Variants in ABCA10 observed in about 807,000 individuals in gnomAD.
ABCA10 encodes ATP-binding cassette sub-family A member 10.
Under a neutral mutation model 187.5 loss-of-function variants are expected in ABCA10, and 169 were observed. That is an observed-to-expected ratio of 0.90 (90% CI 0.80 to 1.02). The LOEUF (loss-of-function observed/expected upper bound fraction) is 1.02, where lower values mean the gene tolerates loss of function less well. ABCA10 is among the 50% of genes least tolerant of loss of function. The pLI is 0.00. For missense variants in ABCA10, 1,727 were observed against 1,812.4 expected (o/e 0.95, Z 0.86); for synonymous variants, 574 against 601.8 (o/e 0.95, Z 0.68).
At chr17:69,241,788 C>T (rs545635747) in intron 1 of ABCA10, among the ~76,000 whole-genome samples, 1 of 152,298 alleles carries the variant, frequency 6.6e-6, no homozygotes, top group South Asian at 2.1e-4. Flanking sequence ...TCAGTGAGGG[C>T]AGAGACTTTT....
Position 69,182,740 on chromosome 17 carries a change from T to C in ABCA10, c.2566A>G (p.Arg856Gly). 6.2e-7 allele frequency: 1 copy of C among 1,612,938 alleles called. No homozygotes were observed. Among genetic ancestry groups the C allele is most frequent in the Non-Finnish European group, 8.5e-7 (1 of 1,179,592 alleles). Residue 856 changes from arginine (R) to glycine (G), a missense_variant, in exon 21 of 39, where the codon AGA becomes GGA. Arg to Gly is a moderately radical substitution (Grantham distance 125, BLOSUM62 -2). Transcript: ENST00000690296. ...GGATCATCTGAGCCATTTCTGTTTC[T>C]AAAGTCATCTATTTCCAAAACTATA... is the stretch of plus-strand genomic sequence containing the variant. ...QDIVLEIDDF[R>G]NRNGSDDPSY...
upstream of ABCA10, chr17:69,232,871 A>ATACATCATGTTCCAC (rs1268903634): frequency 3.9e-5 from 6 of 152,198 alleles, no homozygotes; most frequent in Admixed American, 3.3e-4. Context: ...AGTACTCTGA[A>ATACATCATGTTCCAC]TACATCATGT....
chr17:69,152,157 T>G lies in ABCA10; in HGVS notation c.4283A>C (p.Lys1428Thr), dbSNP rs2059320318. The change falls in exon 36 of 39, where the codon AAA becomes ACA. Residue 1428 changes from lysine (K) to threonine (T), a missense_variant. Transcript: ENST00000690296. Reference sequence around the variant, plus strand: ...TAAATAATCTCTACCAAACTTGTTTTTCAGATGTTGAATGGAACCAATACA... The same window carrying G: ...TAAATAATCTCTACCAAACTTGTTTGTCAGATGTTGAATGGAACCAATACA... The part of the protein sequence containing the change: ...LRCIGSIQHL[K>T]NKFGRDYLLE... The G allele has an allele frequency of 6.2e-7, 1 of 1,612,744 alleles. No individual in the cohort carries two copies. Among genetic ancestry groups the G allele is most frequent in the Admixed American group, 1.7e-5 (1 of 59,686 alleles).
At chr17:69,181,667 T>C (rs1203671358) in intron 22 of ABCA10, among the ~76,000 whole-genome samples, 1 of 151,988 alleles carries the variant, frequency 6.6e-6, no homozygotes, top group Non-Finnish European at 1.5e-5. Context: ...TTTAAAAATT[T>C]AATTAGACTA....
At chr17:69,162,964 A>C (rs930354620) in intron 27 of ABCA10, among the ~76,000 whole-genome samples, 1 of 151,616 alleles carries the variant, frequency 6.6e-6, no homozygotes, top group Non-Finnish European at 1.5e-5. Flanking sequence ...CAGCCTCCCG[A>C]GTAGCTGGAA....
chr17:69,182,316 G>C (rs1172737374), intron 21 of ABCA10, 26 bp from the exon 22 acceptor site: 1 of 1,394,552 alleles, frequency 7.2e-7, no homozygotes, highest in East Asian at 2.7e-5. Flanking sequence ...ACAAATATAA[G>C]TTATAAATTC....
rs1436904147 is a variant in ABCA10, at chr17:69,193,935, A to T, written c.1400T>A (p.Ile467Asn). ...QLSEITDMEE[I>N]RKNIGFCPQF... The stretch of plus-strand genomic sequence containing the variant: ...TGGACAAAATCCAATATTCTTTCTA[A>T]TTTCTTCCATGTCAGTTATTTCAGA... Residue 467 changes from isoleucine to asparagine, a missense_variant, in exon 13 of 39, where the codon ATT (isoleucine) becomes AAT (asparagine). Physicochemically the swap from Ile to Asn is moderately radical, Grantham distance 149. Transcript: ENST00000690296. The T allele has an allele frequency of 6.2e-7, 1 of 1,611,890 alleles. No homozygotes were observed. Among genetic ancestry groups the T allele is most frequent in the Non-Finnish European group, 8.5e-7 (1 of 1,178,642 alleles).
intron 9 of ABCA10, among the ~76,000 whole-genome samples, chr17:69,207,735 G>A (rs1343914629): frequency 1.3e-5 from 2 of 152,136 alleles, no homozygotes; most frequent in African/African-American, 4.8e-5. Flanking sequence ...ATAGAATCTT[G>A]GCTACCAGGG....
At chr17:69,239,546 C>T (rs1024523550) in intron 1 of ABCA10, among the ~76,000 whole-genome samples, 4 of 152,158 alleles carry the variant, frequency 2.6e-5, no homozygotes, top group African/African-American at 9.7e-5. Context: ...CAGACACTGC[C>T]TTATGCTGCT....
At position 69,205,460 on chromosome 17, in the gene ABCA10, A is replaced by C. The variant is rs529989061; in HGVS notation, c.1007-3792T>G. 1.0e-3 allele frequency among the ~76,000 whole-genome samples: 158 copies of C among 152,360 alleles called. 2 individuals are homozygous for C. Among genetic ancestry groups the C allele is most frequent in the Non-Finnish European group, 2.0e-3 (135 of 68,030 alleles). On this transcript the variant is annotated intron_variant, in intron 9 of 38. Transcript: ENST00000690296. Reference sequence around the variant, plus strand: ...TGCATCAGTGTCATAAAAAGCAAATATCTCTTCCCTTGTGGGGATCTACAT... The same window carrying C: ...TGCATCAGTGTCATAAAAAGCAAATCTCTCTTCCCTTGTGGGGATCTACAT...
chr17:69,181,992 G>T (rs895478559), intron 22 of ABCA10, among the ~76,000 whole-genome samples, 161 bp downstream of exon 22: 3 of 151,710 alleles, frequency 2.0e-5, no homozygotes, highest in Non-Finnish European at 2.9e-5. Context: ...GTACTATTAC[G>T]CTCCCTACTT....
At chr17:69,223,592 G>T in intron 3 of ABCA10, 1 of 385,690 alleles carries the variant, frequency 2.6e-6, no homozygotes, top group South Asian at 1.9e-5. Flanking sequence ...TCTACATTAA[G>T]ATGAAAAAGC....
chr17:69,187,202 C>A (rs1421395039), intron 19 of ABCA10, among the ~76,000 whole-genome samples: 1 of 152,120 alleles, frequency 6.6e-6, no homozygotes, highest in African/African-American at 2.4e-5. Flanking sequence ...CAATTACAGT[C>A]GGTCCAGAAT....
intron 37 of ABCA10, 64 bp from the exon 38 acceptor site, chr17:69,149,152 A>G: frequency 6.5e-7 from 1 of 1,542,886 alleles, no homozygotes; most frequent in South Asian, 1.1e-5. Context: ...GTAAAGTCAT[A>G]CAATAGAGAC....
At chr17:69,237,895 G>T (rs2074881548) in intron 1 of ABCA10, among the ~76,000 whole-genome samples, 1 of 152,076 alleles carries the variant, frequency 6.6e-6, no homozygotes, top group Non-Finnish European at 1.5e-5. Context: ...GGGCACAGTG[G>T]CTCACACCTG....
At chr17:69,183,920 G>A (rs2074400798) in intron 20 of ABCA10, among the ~76,000 whole-genome samples, 1 of 152,150 alleles carries the variant, frequency 6.6e-6, no homozygotes, top group African/African-American at 2.4e-5. Flanking sequence ...GCAGGGGGAA[G>A]GCACATAACC....
intron 11 of ABCA10, among the ~76,000 whole-genome samples, chr17:69,196,707 C>T (rs2074506514): frequency 6.6e-6 from 1 of 152,218 alleles, no homozygotes; most frequent in Non-Finnish European, 1.5e-5. Flanking sequence ...CGCCACTGCA[C>T]TCCAGCCTGG....
At chr17:69,154,985 T>C in intron 30 of ABCA10, 34 bp downstream of exon 30, 2 of 1,459,074 alleles carry the variant, frequency 1.4e-6, no homozygotes, top group Non-Finnish European at 1.9e-6. Context: ...ATAAGGAACA[T>C]TATAATAATA....
chr17:69,244,630 C>G (rs1365099022), exon 1 of ABCA10: 1 of 151,356 alleles, frequency 6.6e-6, no homozygotes, highest in Non-Finnish European at 1.5e-5. Context: ...TCAATGTTAG[C>G]AAATTAAAAA....
Sources: allele counts gnomAD v4.1 joint callset (sites outside exome capture counted in the v4.1 genomes callset), GRCh38; gene constraint gnomAD v4.1.1; transcripts MANE v1.5; gene names NCBI Gene and HGNC (gene_info 2026-07-23, HGNC 2026-07-21).